The following SLC27A4 variants were observed in gnomAD, a reference collection of about 807,000 sequenced individuals.
SLC27A4 encodes long-chain fatty acid transport protein 4.
A neutral mutation model predicts 64.4 loss-of-function variants in SLC27A4; 33 were observed. The ratio of observed to expected loss-of-function variants is 0.51; its 90% confidence interval spans 0.39 to 0.68. SLC27A4 has a LOEUF of 0.68. Ranked by LOEUF, SLC27A4 falls within the 30% of genes least tolerant of loss-of-function variation. The pLI is 0.00. For synonymous variants in SLC27A4, 377 were observed against 370.0 expected, an observed-to-expected ratio of 1.02 and a Z score of -0.22; for missense variants, 824 against 883.5, an observed-to-expected ratio of 0.93 and a Z score of 0.85.
intron 1 of SLC27A4, among the ~76,000 whole-genome samples, chr9:128,341,197 G>A (rs763296802): frequency 6.6e-5 from 10 of 152,206 alleles, no homozygotes; most frequent in Admixed American, 2.0e-4. Flanking sequence ...TCGCGAGGGG[G>A]AGGGGGAGAT....
Position 128,353,743 on chromosome 9 carries a change from CTT to C in SLC27A4, c.1324+215_1324+216del, listed in dbSNP as rs567257198. Among the ~76,000 whole-genome samples the C allele has an allele frequency of 3.6e-5, 5 of 140,842 alleles. No homozygotes were observed. Among genetic ancestry groups the C allele is most frequent in the Non-Finnish European group, 3.1e-5 (2 of 65,200 alleles). 92.4% of individuals were successfully genotyped at this position (140,842 alleles called of 152,430 possible). On this transcript the variant is annotated intron_variant, in intron 9 of 12. Coordinates refer to ENST00000300456, the MANE Select transcript of SLC27A4 (RefSeq NM_005094.4). The surrounding 1 kb of genome is among the most constrained non-coding windows in gnomAD (Gnocchi z 4.9). ...CTGTACATCAGTCCATTCATTCATTCTTTTTTTTTTTTTTATTTGAGACGGAG... is the reference window on the plus strand; with the variant it reads ...CTGTACATCAGTCCATTCATTCATTCTTTTTTTTTTTTATTTGAGACGGAG...
At chr9:128,357,674 G>A (rs990722407) in intron 12 of SLC27A4, among the ~76,000 whole-genome samples, 3 of 152,190 alleles carry the variant, frequency 2.0e-5, no homozygotes, top group African/African-American at 7.2e-5. Flanking sequence ...GAGTTCCCTG[G>A]TGGGCAGGAA....
intron 3 of SLC27A4, among the ~76,000 whole-genome samples, chr9:128,347,880 A>G (rs1344306524): frequency 2.9e-5 from 4 of 137,012 alleles, no homozygotes; most frequent in Non-Finnish European, 6.2e-5. Flanking sequence ...AAAGCAAAAG[A>G]AAAAAAAAAA....
Position 128,352,820 on chromosome 9 carries a change from C to G in SLC27A4, c.987+73C>G. The G allele has an allele frequency of 4.0e-6, 5 of 1,255,284 alleles. No homozygotes were observed. The South Asian group carries it at 6.1e-5, about 15-fold the overall frequency. The allele number at this position is 1,255,284 out of a possible 1,614,324, so 77.8% of individuals were successfully genotyped here. A position where few individuals can be genotyped will look rare whatever the true frequency, so the allele number is the denominator to read the frequency against. ...TCTTCCCAACTACACTCCGGGGCAT[C>G]TGTCTTATAGCTGAGGTGGCCAGTC... is the stretch of plus-strand genomic sequence containing the variant. On this transcript the variant is annotated intron_variant, in intron 7 of 12. Coordinates refer to ENST00000300456, the MANE Select transcript of SLC27A4 (RefSeq NM_005094.4).
At chr9:128,360,065 A>C (rs1319598472) in intron 12 of SLC27A4, among the ~76,000 whole-genome samples, 1 of 152,192 alleles carries the variant, frequency 6.6e-6, no homozygotes, top group East Asian at 1.9e-4. Context: ...AGCATGTGAC[A>C]CTAGGCAAAT....
chr9:128,352,279 A>C (rs1270378484), intron 6 of SLC27A4, among the ~76,000 whole-genome samples: 1 of 152,132 alleles, frequency 6.6e-6, no homozygotes, highest in Non-Finnish European at 1.5e-5. Flanking sequence ...CCCACGGGGC[A>C]TCTGGGCCTG....
intron 6 of SLC27A4, among the ~76,000 whole-genome samples, chr9:128,351,381 C>T (rs1300328577): frequency 1.3e-5 from 2 of 151,726 alleles, no homozygotes; most frequent in African/African-American, 2.4e-5. Flanking sequence ...GAGCTGAGAT[C>T]ACGCCACTGC....
At chr9:128,348,080 C>G (rs756249619) in intron 3 of SLC27A4, among the ~76,000 whole-genome samples, 13 of 152,076 alleles carry the variant, frequency 8.5e-5, no homozygotes, top group Non-Finnish European at 1.8e-4. Context: ...AAGCAGGTTC[C>G]CGCTCTCGGA....
intron 7 of SLC27A4, 121 bp from the exon 8 acceptor site, chr9:128,352,904 C>A: frequency 2.7e-6 from 3 of 1,102,398 alleles, no homozygotes; most frequent in Non-Finnish European, 4.1e-6. Context: ...GGCTGAGACC[C>A]GGAGAGGGAA....
At chr9:128,343,003 C>CT in intron 1 of SLC27A4, 124 bp from the exon 2 acceptor site, 1 of 1,275,422 alleles carries the variant, frequency 7.8e-7, no homozygotes, top group South Asian at 1.3e-5. Flanking sequence ...TCACCCAACT[C>CT]AGTATGGCTA....
At chr9:128,344,283 C>T (rs975773350) in intron 2 of SLC27A4, among the ~76,000 whole-genome samples, 5 of 151,968 alleles carry the variant, frequency 3.3e-5, no homozygotes, top group African/African-American at 1.2e-4. Flanking sequence ...TTTGGGAGGC[C>T]GAAGTGGGTG....
At chr9:128,342,399 T>C (rs748542653) in intron 1 of SLC27A4, 5 of 1,607,600 alleles carry the variant, frequency 3.1e-6, no homozygotes, top group Non-Finnish European at 4.2e-6. Context: ...CATTGTACAT[T>C]CCACAAGTAT....
rs1832804828 is a variant in SLC27A4 at position 128,355,488 on chromosome 9, C to T, written c.1553C>T (p.Thr518Ile). ...CGCTGGAAAGGTGAGAACGTGTCCA[C>T]CACCGAGGTGGAAGGCACACTCAGC... Reference protein sequence around the residue: ...TFRWKGENVSTTEVEGTLSRL... With the variant: ...TFRWKGENVSITEVEGTLSRL... Residue 518 changes from threonine (T) to isoleucine (I), a missense_variant, in exon 11 of 13, where the codon ACC (threonine) becomes ATC (isoleucine). Thr to Ile is a moderately conservative substitution (Grantham distance 89). Transcript: ENST00000300456. The T allele has an allele frequency of 5.0e-6, 8 of 1,613,348 alleles. No homozygotes were observed. Among genetic ancestry groups the T allele is most frequent in the Non-Finnish European group, 6.8e-6 (8 of 1,180,040 alleles).
rs77443393 is a variant in SLC27A4, at chr9:128,360,555, C to T, written c.*64C>T. ...CGGAGCCCCAGGTTCCGCCCCAGAG[C>T]GGTCCTGGACAAGGCCAGACCAAAG... On this transcript the variant is annotated 3_prime_UTR_variant, in exon 13 of 13. Transcript: ENST00000300456. 1.7e-4 allele frequency: 263 copies of T among 1,578,042 alleles called. 1 individual carries two copies. The highest frequency in any genetic ancestry group is 6.0e-5 in the Non-Finnish European group (69 of 1,152,920).
chr9:128,357,222 A>G (rs1832833187), intron 12 of SLC27A4, among the ~76,000 whole-genome samples: 1 of 147,616 alleles, frequency 6.8e-6, no homozygotes, highest in South Asian at 2.2e-4. Flanking sequence ...AGACCGTGCC[A>G]CTGCACTCCA....
Position 128,360,790 on chromosome 9 carries a change from A to G in SLC27A4, c.*299A>G, listed in dbSNP as rs1293334613. ...TCTTGGGTGAGGGTAGGGAGAGGAC[A>G]AGGGGTCACCGAGCCCTTCCCAGAG... On this transcript the variant is annotated 3_prime_UTR_variant, in exon 13 of 13. Transcript: ENST00000300456. The G allele has an allele frequency of 2.1e-5, 9 of 436,868 alleles. No individual in the cohort carries two copies. The highest frequency in any genetic ancestry group is 3.8e-5 in the Non-Finnish European group (9 of 233,864). The allele number at this position is 436,868 out of a possible 1,614,324, so 27.1% of individuals were successfully genotyped here.
At chr9:128,352,411 T>C (rs1004571189) in intron 6 of SLC27A4, among the ~76,000 whole-genome samples, 1 of 152,038 alleles carries the variant, frequency 6.6e-6, no homozygotes, top group African/African-American at 2.4e-5. Context: ...CGGGTGTATA[T>C]GTGAGTGTAG....
intron 3 of SLC27A4, among the ~76,000 whole-genome samples, chr9:128,346,167 C>T (rs531077124): frequency 1.2e-3 from 180 of 152,228 alleles, no homozygotes; most frequent in Non-Finnish European, 2.2e-3. Flanking sequence ...TCTCAAAGTG[C>T]TGGGATTATA....
intron 12 of SLC27A4, among the ~76,000 whole-genome samples, chr9:128,357,371 C>T (rs1169969017): frequency 6.6e-6 from 1 of 151,240 alleles, no homozygotes; most frequent in African/African-American, 2.4e-5. Context: ...ACCCAGGAGC[C>T]ACAGGTTGCA....
Sources: gnomAD v4.1 joint callset for allele counts (sites outside exome capture counted in the v4.1 genomes callset) on GRCh38, gnomAD v4.1.1 for gene constraint, Gnocchi (gnomAD v3.1) non-coding constraint, MANE v1.5 for transcripts, NCBI Gene and HGNC (gene_info 2026-07-23, HGNC 2026-07-21) for gene names.